QKI: variants seen among roughly 807,000 people sequenced by gnomAD.
QKI encodes QKI, KH domain containing RNA binding.
A neutral mutation model predicts 39.0 loss-of-function variants in QKI; 10 were observed. The ratio of observed to expected loss-of-function variants is 0.26; its 90% CI spans 0.16 to 0.43. The LOEUF (loss-of-function observed/expected upper bound fraction) is 0.43, where lower values mean the gene tolerates loss of function less well. Ranked by LOEUF, QKI falls within the 20% of genes least tolerant of loss-of-function variation. QKI has a pLI of 1.00. For synonymous variants in QKI, 204 were observed against 155.4 expected (o/e 1.31, Z -2.33); for missense variants, 218 against 428.0 (o/e 0.51, Z 4.33).
chr6:163,548,538 G>T (rs181516422), intron 4 of QKI, among the ~76,000 whole-genome samples: 1 of 152,200 alleles, frequency 6.6e-6, no homozygotes, highest in Admixed American at 6.5e-5. Flanking sequence ...ACTTTAAACA[G>T]GTAAATATTG....
At chr6:163,510,217 A>AAATAATAATAATAATAAT (rs142297811) in intron 3 of QKI, among the ~76,000 whole-genome samples, 9 of 136,276 alleles carry the variant, frequency 6.6e-5, no homozygotes, top group East Asian at 2.1e-4. Flanking sequence ...CTCTATCTCA[A>AAATAATAATAATAATAAT]AATAATAATA....
chr6:163,570,261 C>CT, intron 7 of QKI: 1 of 980,898 alleles, frequency 1.0e-6, no homozygotes, highest in Non-Finnish European at 1.2e-6. Context: ...TTAATAGTTG[C>CT]TTTAATGCTT....
intron 6 of QKI, chr6:163,566,293 T>C (rs1783359970): frequency 8.2e-7 from 1 of 1,212,522 alleles, no homozygotes. Flanking sequence ...GCTTTAAGAA[T>C]TGCTTTTAAA....
At chr6:163,517,064 T>A (rs879880428) in intron 3 of QKI, among the ~76,000 whole-genome samples, 843 of 75,576 alleles carry the variant, frequency 0.011, 5 homozygotes, top group South Asian at 0.027. Flanking sequence ...ACTCACTCTC[T>A]CTCTCTCTCT....
chr6:163,437,216 T>G (rs1338626199), intron 1 of QKI, among the ~76,000 whole-genome samples: 1 of 152,202 alleles, frequency 6.6e-6, no homozygotes, highest in Non-Finnish European at 1.5e-5. Context: ...TAAAATTTGT[T>G]GCAATTTAAC....
chr6:163,478,866 A>C lies in QKI; in HGVS notation c.372A>C (p.Arg124=). Residue 124 remains arginine (R), a synonymous_variant, in exon 3 of 8, where the codon CGA becomes CGC. Coordinates refer to ENST00000361752, the MANE Select transcript of QKI (RefSeq NM_006775.3). The stretch of plus-strand genomic sequence containing the variant: ...AAACCGGATGTAAAATCATGGTCCG[A>C]GGCAAAGGCTCAATGAGGGATAAAA... ...EAETGCKIMV[R]GKGSMRDKKK... 1 of 1,613,784 alleles carries C rather than the reference A, an allele frequency of 6.2e-7. No individual in the cohort carries two copies. Among genetic ancestry groups the C allele is most frequent in the Non-Finnish European group, 8.5e-7 (1 of 1,179,782 alleles).
chr6:163,451,646 A>G (rs1322271637), intron 1 of QKI, among the ~76,000 whole-genome samples: 5 of 152,118 alleles, frequency 3.3e-5, no homozygotes, highest in Non-Finnish European at 7.4e-5. Flanking sequence ...TCATGTTGGG[A>G]GATTTTTTGT....
At chr6:163,434,916 T>C (rs1789131176) in intron 1 of QKI, among the ~76,000 whole-genome samples, 1 of 152,114 alleles carries the variant, frequency 6.6e-6, no homozygotes, top group African/African-American at 2.4e-5. Context: ...AAGTTTAATA[T>C]AAAAATATAT....
intron 2 of QKI, among the ~76,000 whole-genome samples, chr6:163,471,123 G>A (rs1338474867): frequency 1.3e-5 from 2 of 152,092 alleles, no homozygotes; most frequent in Admixed American, 1.3e-4. Flanking sequence ...GTAATGATGA[G>A]AAAATCTTAA....
chr6:163,492,021 C>T (rs148784899), intron 3 of QKI, among the ~76,000 whole-genome samples: 17 of 152,226 alleles, frequency 1.1e-4, no homozygotes, highest in Non-Finnish European at 1.0e-4. Context: ...CAGTCAATTT[C>T]GTTAAGGAAT....
At chr6:163,563,324 C>G in intron 5 of QKI, 96 bp from the exon 6 acceptor site, 1 of 1,177,222 alleles carries the variant, frequency 8.5e-7, no homozygotes, top group South Asian at 1.6e-5. Flanking sequence ...TTTCTTCTTT[C>G]CTGCTTTTCC....
At chr6:163,566,449 A>G (rs1583232900) in intron 6 of QKI, 2 of 1,295,062 alleles carry the variant, frequency 1.5e-6, no homozygotes, top group Admixed American at 3.5e-5. Flanking sequence ...GTTTGGATCT[A>G]ATAGAGCTCA....
chr6:163,440,375 G>A (rs569246375), intron 1 of QKI, among the ~76,000 whole-genome samples: 9 of 152,322 alleles, frequency 5.9e-5, no homozygotes, highest in Admixed American at 3.9e-4. Context: ...ACTATGAAAT[G>A]AAGGTGAAAA....
intron 7 of QKI, chr6:163,568,371 T>G (rs1195107234): frequency 1.0e-6 from 1 of 985,500 alleles, no homozygotes; most frequent in African/African-American, 1.7e-5. Flanking sequence ...TTGGACATAT[T>G]TTAGGAAGAT....
chr6:163,458,671 A>G (rs1247441812), intron 2 of QKI, among the ~76,000 whole-genome samples: 1 of 152,136 alleles, frequency 6.6e-6, no homozygotes, highest in Non-Finnish European at 1.5e-5. Flanking sequence ...AGGTCTGAGA[A>G]ATGAAGTAGT....
intron 3 of QKI, among the ~76,000 whole-genome samples, chr6:163,517,675 T>G (rs1174164284): frequency 1.3e-5 from 2 of 152,084 alleles, no homozygotes; most frequent in Non-Finnish European, 2.9e-5. Flanking sequence ...CTTGAAAAAA[T>G]ATACTTTATA....
chr6:163,529,614 G>A (rs1780729261), intron 3 of QKI, among the ~76,000 whole-genome samples: 1 of 152,186 alleles, frequency 6.6e-6, no homozygotes, highest in South Asian at 2.1e-4. Flanking sequence ...ATAAACTTAT[G>A]GGTGTCAAAA....
intron 2 of QKI, among the ~76,000 whole-genome samples, chr6:163,457,021 G>A (rs1420610390): frequency 3.9e-5 from 6 of 152,108 alleles, no homozygotes; most frequent in Admixed American, 3.9e-4. Context: ...GCCTACCCTA[G>A]GTATTAGGAT....
At chr6:163,524,824 A>G (rs1780382029) in intron 3 of QKI, among the ~76,000 whole-genome samples, 2 of 152,110 alleles carry the variant, frequency 1.3e-5, no homozygotes, top group African/African-American at 4.8e-5. Flanking sequence ...TACCATATTT[A>G]CATTATGGTA....
Sources: allele counts gnomAD v4.1 joint callset (sites outside exome capture counted in the v4.1 genomes callset), GRCh38; gene constraint gnomAD v4.1.1; transcripts MANE v1.5; gene names NCBI Gene and HGNC (gene_info 2026-07-23, HGNC 2026-07-21).